The following DNM3 variants were observed in gnomAD, a reference collection of about 807,000 sequenced individuals.
DNM3 encodes the protein dynamin 3, also known as dynamin-3.
Under a neutral mutation model 101.6 loss-of-function variants are expected in DNM3, and 47 were observed. The observed-to-expected ratio is 0.46, with a 90% CI of 0.37 to 0.59. The LOEUF (loss-of-function observed/expected upper bound fraction) is 0.59, where lower values mean the gene tolerates loss of function less well. DNM3 is among the 20% of genes least tolerant of loss of function. The pLI, the probability that DNM3 is intolerant of heterozygous loss-of-function variation, is 0.00. For synonymous variants in DNM3, 385 were observed against 387.9 expected (o/e 0.99, Z 0.09); for missense variants, 849 against 1,085.7 (o/e 0.78, Z 3.06).
intron 17 of DNM3, among the ~76,000 whole-genome samples, chr1:172,375,155 G>C (rs1467627737): frequency 6.6e-6 from 1 of 152,024 alleles, no homozygotes; most frequent in Non-Finnish European, 1.5e-5. Flanking sequence ...CATTATTTGA[G>C]TATGTAAACA....
At chr1:172,060,474 G>A (rs1333313599) in intron 10 of DNM3, among the ~76,000 whole-genome samples, 2 of 52,386 alleles carry the variant, frequency 3.8e-5, no homozygotes, top group African/African-American at 1.8e-4. Flanking sequence ...AACCAAAACA[G>A]CATGGTACTG....
intron 17 of DNM3, among the ~76,000 whole-genome samples, chr1:172,334,067 G>T (rs1158430797): frequency 6.6e-6 from 1 of 152,120 alleles, no homozygotes; most frequent in African/African-American, 2.4e-5. Context: ...CTTAAGAAAG[G>T]ATCAGCTTTT....
At chr1:172,377,945 T>A (rs2068698827) in intron 17 of DNM3, among the ~76,000 whole-genome samples, 1 of 152,020 alleles carries the variant, frequency 6.6e-6, no homozygotes, top group African/African-American at 2.4e-5. Context: ...TCATTTAATA[T>A]CCAGTAAAGC....
chr1:172,103,679 ATTG>A (rs1403834770), intron 13 of DNM3, among the ~76,000 whole-genome samples: 3 of 152,110 alleles, frequency 2.0e-5, no homozygotes, highest in East Asian at 1.9e-4. Flanking sequence ...ATAATAATAT[ATTG>A]TTGTTGTGAT....
intron 4 of DNM3, among the ~76,000 whole-genome samples, chr1:172,020,492 G>A (rs188389528): frequency 6.3e-4 from 95 of 151,988 alleles, no homozygotes; most frequent in African/African-American, 1.7e-3. Context: ...AGGCTGAGGC[G>A]GGCATATCAC....
At chr1:171,916,689 C>G (rs1351753102) in intron 1 of DNM3, among the ~76,000 whole-genome samples, 1 of 152,182 alleles carries the variant, frequency 6.6e-6, no homozygotes, top group East Asian at 1.9e-4. Context: ...TCAACGTTTT[C>G]TATATAATCC....
chr1:172,390,614 G>A (rs973334018), intron 20 of DNM3, among the ~76,000 whole-genome samples: 4 of 152,174 alleles, frequency 2.6e-5, no homozygotes, highest in African/African-American at 7.2e-5. Flanking sequence ...TCCTCTCCAC[G>A]TGAGAACCAC....
chr1:172,283,282 C>T (rs972102143), intron 15 of DNM3, among the ~76,000 whole-genome samples: 1 of 152,148 alleles, frequency 6.6e-6, no homozygotes, highest in South Asian at 2.1e-4. Flanking sequence ...GAGGCTTTCT[C>T]CAGCTCCTTC....
chr1:171,879,689 A>G (rs1282637195), intron 1 of DNM3, among the ~76,000 whole-genome samples: 1 of 152,178 alleles, frequency 6.6e-6, no homozygotes, highest in Non-Finnish European at 1.5e-5. Flanking sequence ...TATTACTCCT[A>G]GGAAGCTAGG....
At chr1:172,061,078 C>T (rs368131904) in intron 10 of DNM3, among the ~76,000 whole-genome samples, 4 of 141,368 alleles carry the variant, frequency 2.8e-5, no homozygotes, top group Non-Finnish European at 6.1e-5. Flanking sequence ...ATTTATGCAG[C>T]CAAAAAACAC....
intron 17 of DNM3, among the ~76,000 whole-genome samples, chr1:172,369,597 T>C (rs1239993562): frequency 6.6e-6 from 1 of 151,922 alleles, no homozygotes; most frequent in Non-Finnish European, 1.5e-5. Context: ...TTATTTAACA[T>C]AGTACTGGAA....
intron 14 of DNM3, among the ~76,000 whole-genome samples, chr1:172,220,547 A>G (rs1386280711): frequency 6.6e-6 from 1 of 152,142 alleles, no homozygotes. Context: ...GATGAGCTTT[A>G]TATTTCTTGA....
rs372622681 is a variant in DNM3, at chr1:172,345,775, A to T, written c.1893+22435A>T. Among the ~76,000 whole-genome samples the T allele has an allele frequency of 2.6e-5, 4 of 152,316 alleles. No homozygotes were observed. In the East Asian group the frequency reaches 7.7e-4, roughly 29 times the overall value. Reference sequence around the variant, plus strand: ...TTCCCAGTTTAGGGGGAGACTGATAAGAAAATAATTTCATATCACCTTGTA... The same window carrying T: ...TTCCCAGTTTAGGGGGAGACTGATATGAAAATAATTTCATATCACCTTGTA... On this transcript the variant is annotated intron_variant, in intron 17 of 20. Coordinates refer to ENST00000627582, the MANE Select transcript of DNM3 (RefSeq NM_015569.5).
intron 20 of DNM3, among the ~76,000 whole-genome samples, chr1:172,400,389 G>C (rs1260278180): frequency 2.6e-5 from 4 of 152,042 alleles, no homozygotes; most frequent in Non-Finnish European, 4.4e-5. Flanking sequence ...GAGAAAGGAG[G>C]GGGGATAGAA....
chr1:171,896,435 CTGTT>C (rs1270876167), intron 1 of DNM3, among the ~76,000 whole-genome samples: 2 of 152,144 alleles, frequency 1.3e-5, no homozygotes, highest in African/African-American at 2.4e-5. Flanking sequence ...ATTTGGCTCT[CTGTT>C]TGTCTATTAT....
rs187234583 is a variant in DNM3 at position 172,185,047 on chromosome 1, C to G, written c.1659+53759C>G. 1.9e-3 allele frequency among the ~76,000 whole-genome samples: 292 copies of G among 152,136 alleles called. 1 individual carries two copies. The highest frequency in any genetic ancestry group is 3.4e-3 in the Non-Finnish European group (228 of 67,972). Reference sequence around the variant, plus strand: ...AAAAAAGGGAGGCTGGAAACTTAGTCAACACATAGGGGCAGCTCCTCTCAC... The same window carrying G: ...AAAAAAGGGAGGCTGGAAACTTAGTGAACACATAGGGGCAGCTCCTCTCAC... On this transcript the variant is annotated intron_variant, in intron 14 of 20. Transcript: ENST00000627582.
At chr1:172,243,055 A>G (rs2148655660) in intron 14 of DNM3, among the ~76,000 whole-genome samples, 1 of 152,272 alleles carries the variant, frequency 6.6e-6, no homozygotes, top group East Asian at 1.9e-4. Flanking sequence ...ATATCATAGT[A>G]GGTTTGGGAG....
intron 18 of DNM3, chr1:172,380,888 G>T (rs1243255919): frequency 6.7e-6 from 1 of 150,160 alleles, no homozygotes; most frequent in Admixed American, 6.7e-5. Context: ...TTCAAACGCT[G>T]CTTTGCTCTG....
At chr1:172,399,697 C>T (rs1341985993) in intron 20 of DNM3, 1 of 151,884 alleles carries the variant, frequency 6.6e-6, no homozygotes, top group Non-Finnish European at 1.5e-5. Flanking sequence ...TAGAGCTCCT[C>T]CTGCTGGATT....
Sources: gnomAD v4.1 joint callset for allele counts (sites outside exome capture counted in the v4.1 genomes callset) on GRCh38, gnomAD v4.1.1 for gene constraint, MANE v1.5 for transcripts, NCBI Gene and HGNC (gene_info 2026-07-23, HGNC 2026-07-21) for gene names.